The following KCNT2 variants were observed in gnomAD, a reference collection of about 807,000 sequenced individuals.
KCNT2 encodes potassium sodium-activated channel subfamily T member 2, also known as potassium channel subfamily T member 2.
In KCNT2, 67 loss-of-function variants were observed where a neutral mutation model predicts 153.8. The ratio of observed to expected loss-of-function variants is 0.44; its 90% confidence interval spans 0.36 to 0.53. The LOEUF is 0.53. Among genes scored for constraint, KCNT2 ranks in the 20% least tolerant of loss-of-function variants. The pLI, the probability that KCNT2 is intolerant of heterozygous loss-of-function variation, is 0.00. For synonymous variants in KCNT2, 500 were observed against 458.8 expected (o/e 1.09, Z -1.15); for missense variants, 975 against 1,354.8 (o/e 0.72, Z 4.40).
chr1:196,291,675 A>G (rs1211809371), intron 22 of KCNT2, among the ~76,000 whole-genome samples: 1 of 152,174 alleles, frequency 6.6e-6, no homozygotes, highest in Non-Finnish European at 1.5e-5. Flanking sequence ...AATTAGTCCA[A>G]ATCTGAACTA....
intron 16 of KCNT2, among the ~76,000 whole-genome samples, chr1:196,334,483 C>CTTTTTTTTTTTTTTTTTTTTTTTTT (rs757677685): frequency 4.7e-5 from 2 of 42,336 alleles, no homozygotes; most frequent in African/African-American, 2.0e-4. Context: ...TTCTTTCTTT[C>CTTTTTTTTTTTTTTTTTTTTTTTTT]TTTCTTTTTT....
rs115025181 is a variant in KCNT2, at chr1:196,305,634, T to C, written c.2484-289A>G. On this transcript the variant is annotated intron_variant, in intron 21 of 27. Coordinates refer to ENST00000294725, the MANE Select transcript of KCNT2 (RefSeq NM_198503.5). The stretch of plus-strand genomic sequence containing the variant: ...TATGGAACAACATAGAAGAAACTCA[T>C]AAAGCTGATTTAAGAAGTTACAAGG... Among the ~76,000 whole-genome samples, 677 of 152,238 alleles carry C rather than the reference T, an allele frequency of 4.4e-3. 4 individuals carry two copies. The highest frequency in any genetic ancestry group is 0.015 in the African/African-American group (616 of 41,560).
intron 16 of KCNT2, among the ~76,000 whole-genome samples, chr1:196,334,697 A>G (rs1200478912): frequency 6.6e-6 from 1 of 152,016 alleles, no homozygotes; most frequent in Non-Finnish European, 1.5e-5. Context: ...AGTGCCACAT[A>G]TGGGGAGCAC....
chr1:196,584,990 T>C (rs1451670180), intron 1 of KCNT2, among the ~76,000 whole-genome samples: 2 of 152,050 alleles, frequency 1.3e-5, no homozygotes, highest in South Asian at 2.1e-4. Flanking sequence ...TCAGCACACA[T>C]GTGTTCTGCT....
intron 12 of KCNT2, among the ~76,000 whole-genome samples, chr1:196,420,544 A>G (rs1280792393): frequency 2.0e-5 from 3 of 152,046 alleles, no homozygotes; most frequent in Middle Eastern, 3.4e-3. Context: ...AGAGTGATCA[A>G]TGTTTAATAT....
chr1:196,234,927 C>T (rs1654297039), intron 27 of KCNT2, among the ~76,000 whole-genome samples: 1 of 151,208 alleles, frequency 6.6e-6, no homozygotes, highest in African/African-American at 2.4e-5. Context: ...TTGATCTACC[C>T]CAGGACAGGT....
chr1:196,305,054 G>A (rs771152515), intron 22 of KCNT2, among the ~76,000 whole-genome samples, 180 bp downstream of exon 22: 11 of 152,032 alleles, frequency 7.2e-5, no homozygotes, highest in Non-Finnish European at 1.3e-4. Flanking sequence ...GATATAAATC[G>A]TTCAAATCTG....
intron 1 of KCNT2, among the ~76,000 whole-genome samples, chr1:196,572,003 C>T (rs1660833349): frequency 6.6e-6 from 1 of 152,040 alleles, no homozygotes; most frequent in Admixed American, 6.6e-5. Context: ...CCTCTCAATA[C>T]CATGAAAGAA....
chr1:196,465,905 A>G (rs1288235255), intron 7 of KCNT2, among the ~76,000 whole-genome samples: 1 of 152,008 alleles, frequency 6.6e-6, no homozygotes, highest in African/African-American at 2.4e-5. Flanking sequence ...CTTATAAAAG[A>G]TATTATGGCA....
In KCNT2 at chr1:196,258,176, A is replaced by G. The variant is rs1272095874; in HGVS notation, c.3211+18T>C. 1.9e-6 allele frequency: 3 copies of G among 1,610,860 alleles called. No homozygotes were observed. The highest frequency in any genetic ancestry group is 2.5e-6 in the Non-Finnish European group (3 of 1,178,614). On this transcript the variant is annotated intron_variant, in intron 26 of 27. Transcript: ENST00000294725. ...GAAATCACGAGTCCATATATACAGT[A>G]GTTTTTAAAGAGCATACCATATCCC...
intron 1 of KCNT2, among the ~76,000 whole-genome samples, chr1:196,531,457 G>A (rs991217337): frequency 3.9e-5 from 6 of 151,982 alleles, no homozygotes; most frequent in South Asian, 2.1e-4. Context: ...CTATTTCCTC[G>A]AGGTAAAATG....
At chr1:196,504,971 A>G (rs994984610) in intron 1 of KCNT2, among the ~76,000 whole-genome samples, 1 of 152,128 alleles carries the variant, frequency 6.6e-6, no homozygotes, top group Non-Finnish European at 1.5e-5. Flanking sequence ...TTCATTGTAG[A>G]TTCTGGATAT....
chr1:196,343,846 C>G (rs1228922929), intron 14 of KCNT2, among the ~76,000 whole-genome samples: 8 of 152,112 alleles, frequency 5.3e-5, no homozygotes, highest in African/African-American at 9.7e-5. Flanking sequence ...ATGGCACGAT[C>G]TCAGCTCACT....
intron 1 of KCNT2, among the ~76,000 whole-genome samples, chr1:196,587,514 G>A (rs6703584): frequency 0.03 from 4,609 of 151,994 alleles, 239 homozygotes; most frequent in African/African-American, 0.11. Context: ...GAATTCACAA[G>A]ATATTATCAT....
rs541392654 is a variant in KCNT2, at chr1:196,231,388, T to C, written c.3297-3053A>G. 7.8e-4 allele frequency among the ~76,000 whole-genome samples: 118 copies of C among 151,948 alleles called. 1 individual carries two copies. The Middle Eastern group carries it at 0.014, about 18-fold the overall frequency. ...CTGAGGTATGCCTGAGTATCTTTAG[T>C]GACTGCTTCTTGAGCACCTGTAGGA... is the stretch of plus-strand genomic sequence containing the variant. On this transcript the variant is annotated intron_variant, in intron 27 of 27. Coordinates refer to ENST00000294725, the MANE Select transcript of KCNT2 (RefSeq NM_198503.5).
At chr1:196,292,600 ATCGAG>A (rs1660289025) in intron 22 of KCNT2, among the ~76,000 whole-genome samples, 1 of 152,098 alleles carries the variant, frequency 6.6e-6, no homozygotes, top group Non-Finnish European at 1.5e-5. Flanking sequence ...AGGTCAGGAG[ATCGAG>A]ACCATCCTGG....
chr1:196,479,335 G>A (rs1005858987), intron 4 of KCNT2, 97 bp from the exon 5 acceptor site: 16 of 694,346 alleles, frequency 2.3e-5, no homozygotes, highest in Non-Finnish European at 3.8e-5. Context: ...ATATGTGCAT[G>A]TATACATATA....
At chr1:196,419,644 A>C (rs1342375710) in intron 12 of KCNT2, among the ~76,000 whole-genome samples, 1 of 151,942 alleles carries the variant, frequency 6.6e-6, no homozygotes, top group African/African-American at 2.4e-5. Context: ...TTACTAGACC[A>C]AACTTTTGCC....
At chr1:196,445,213 GAA>G in intron 8 of KCNT2, among the ~76,000 whole-genome samples, 1 of 151,268 alleles carries the variant, frequency 6.6e-6, no homozygotes, top group South Asian at 2.1e-4. Flanking sequence ...TTACTATCAA[GAA>G]GTTAGTAAGA....
Sources: allele counts gnomAD v4.1 joint callset (sites outside exome capture counted in the v4.1 genomes callset), GRCh38; gene constraint gnomAD v4.1.1; transcripts MANE v1.5; gene names NCBI Gene and HGNC (gene_info 2026-07-23, HGNC 2026-07-21).